DPY19L4: variants seen among roughly 807,000 people sequenced by gnomAD.
The protein encoded by DPY19L4 is probable C-mannosyltransferase DPY19L4.
DPY19L4 carries 97 observed loss-of-function variants against 102.8 expected under a neutral mutation model. The observed-to-expected ratio is 0.94, with a 90% CI of 0.80 to 1.12. The LOEUF (loss-of-function observed/expected upper bound fraction) is 1.12, where lower values mean the gene tolerates loss of function less well. Among genes scored for constraint, DPY19L4 ranks in the 50% most tolerant of loss-of-function variants. DPY19L4 has a pLI of 0.00. For missense variants in DPY19L4, 815 were observed against 850.4 expected (o/e 0.96, Z 0.52); for synonymous variants, 252 against 283.1 (o/e 0.89, Z 1.10).
intron 7 of DPY19L4, among the ~76,000 whole-genome samples, chr8:94,759,127 A>C (rs1812290411): frequency 6.6e-6 from 1 of 152,148 alleles, no homozygotes; most frequent in Non-Finnish European, 1.5e-5. Context: ...AGCGGTAGCA[A>C]GGTTTATTGT....
chr8:94,754,263 T>C (rs190989053), intron 6 of DPY19L4, among the ~76,000 whole-genome samples: 2 of 152,332 alleles, frequency 1.3e-5, no homozygotes, highest in African/African-American at 2.4e-5. Context: ...GCTGCTGTTA[T>C]ATAAGGAGAA....
intron 1 of DPY19L4, among the ~76,000 whole-genome samples, chr8:94,725,862 C>A (rs886437856): frequency 6.6e-6 from 1 of 152,088 alleles, no homozygotes; most frequent in African/African-American, 2.4e-5. Flanking sequence ...TGGTCTCGAT[C>A]TCCTGACCTC....
chr8:94,751,105 C>T (rs1243477106), intron 6 of DPY19L4, among the ~76,000 whole-genome samples: 1 of 149,544 alleles, frequency 6.7e-6, no homozygotes, highest in Non-Finnish European at 1.5e-5. Context: ...TCTAATACCT[C>T]CCTCTTTTCT....
chr8:94,776,360 G>A (rs541961334), intron 13 of DPY19L4, among the ~76,000 whole-genome samples: 29 of 151,754 alleles, frequency 1.9e-4, no homozygotes, highest in African/African-American at 6.8e-4. Flanking sequence ...GTAGAGACGA[G>A]GTTTCACCAT....
rs796545479 is a variant in DPY19L4 at position 94,764,562 on chromosome 8, C to T, written c.871-621C>T. Reference sequence around the variant, plus strand: ...CTGCACTCTAGCCTGGGCGACAGAGCGAGACTCCGTCTCAAAAAAAAAAAA... The same window carrying T: ...CTGCACTCTAGCCTGGGCGACAGAGTGAGACTCCGTCTCAAAAAAAAAAAA... On this transcript the variant is annotated intron_variant, in intron 8 of 18. Transcript: ENST00000414645. Among the ~76,000 whole-genome samples, 471 of 125,032 alleles carry T rather than the reference C, an allele frequency of 3.8e-3. 2 individuals carry two copies. The highest frequency in any genetic ancestry group is 0.014 in the African/African-American group (441 of 31,178). The allele number at this position is 125,032 out of a possible 152,430, so 82.0% of individuals were successfully genotyped here. A position where few individuals can be genotyped will look rare whatever the true frequency, so the allele number is the denominator to read the frequency against.
intron 15 of DPY19L4, 55 bp downstream of exon 15, chr8:94,780,470 G>T: frequency 8.6e-7 from 1 of 1,168,326 alleles, no homozygotes; most frequent in Non-Finnish European, 1.1e-6. Flanking sequence ...CAAAGGTAGT[G>T]ATAAATTTAT....
chr8:94,769,059 T>G (rs1299006468), intron 12 of DPY19L4, among the ~76,000 whole-genome samples: 1 of 150,146 alleles, frequency 6.7e-6, no homozygotes, highest in Non-Finnish European at 1.5e-5. Context: ...ACTTAGTTTT[T>G]TTGTTTTTTT....
chr8:94,746,718 T>C (rs1279467830), intron 6 of DPY19L4, among the ~76,000 whole-genome samples: 1 of 152,244 alleles, frequency 6.6e-6, no homozygotes, highest in Non-Finnish European at 1.5e-5. Flanking sequence ...TTAAATGTGC[T>C]ATAAAATTGA....
intron 2 of DPY19L4, among the ~76,000 whole-genome samples, chr8:94,732,811 C>CTTTT (rs10624368): frequency 7.8e-5 from 10 of 128,092 alleles, no homozygotes; most frequent in East Asian, 2.3e-4. Flanking sequence ...CTTTTTCTTT[C>CTTTT]TTTTTTTTTT....
chr8:94,758,443 A>G (rs959344393), intron 7 of DPY19L4, among the ~76,000 whole-genome samples: 5 of 152,176 alleles, frequency 3.3e-5, no homozygotes, highest in Non-Finnish European at 7.3e-5. Context: ...TATAAATTTG[A>G]GTAACTGTCA....
At chr8:94,769,272 G>T (rs1812821239) in intron 12 of DPY19L4, among the ~76,000 whole-genome samples, 1 of 151,762 alleles carries the variant, frequency 6.6e-6, no homozygotes, top group African/African-American at 2.4e-5. Context: ...TGTTGGTCAG[G>T]TTGGTCTCAA....
In DPY19L4 at chr8:94,777,734, G is replaced by C. The variant is rs1261952442; in HGVS notation, c.1523G>C (p.Trp508Ser). The C allele has an allele frequency of 9.3e-6, 15 of 1,613,844 alleles. No homozygotes were observed. The highest frequency in any genetic ancestry group is 1.3e-5 in the African/African-American group (1 of 74,886). Residue 508 changes from tryptophan to serine, a missense_variant, in exon 14 of 19, where the codon TGG becomes TCG. Transcript: ENST00000414645. ...TTTGGTGTATGTTCTCCCGAACTTT[G>C]GATGACACTTTTCAAGTGGCTTCGA... ...AAFGVCSPEL[W>S]MTLFKWLRLR...
At chr8:94,755,899 C>A in intron 6 of DPY19L4, 137 bp from the exon 7 acceptor site, 1 of 853,842 alleles carries the variant, frequency 1.2e-6, no homozygotes, top group Non-Finnish European at 1.7e-6. Flanking sequence ...AAAAAAAGGA[C>A]AATGGTGGAT....
At chr8:94,789,632 C>T in intron 18 of DPY19L4, 114 bp from the exon 19 acceptor site, 2 of 938,912 alleles carry the variant, frequency 2.1e-6, no homozygotes, top group Non-Finnish European at 3.0e-6. Context: ...GTTTTATAGA[C>T]AATGTTTAGC....
intron 17 of DPY19L4, among the ~76,000 whole-genome samples, chr8:94,786,153 G>T (rs1237357728): frequency 1.3e-5 from 2 of 152,030 alleles, no homozygotes; most frequent in African/African-American, 4.8e-5. Context: ...TGTTGTTGTT[G>T]TTGACGAGTC....
At chr8:94,778,335 T>C (rs1226964827) in intron 14 of DPY19L4, among the ~76,000 whole-genome samples, 1 of 152,188 alleles carries the variant, frequency 6.6e-6, no homozygotes, top group East Asian at 1.9e-4. Flanking sequence ...TGAGAGGTCA[T>C]CAAGAATCAA....
Position 94,777,679 on chromosome 8 carries a change from T to C in DPY19L4, c.1468T>C (p.Trp490Arg), listed in dbSNP as rs781664118. 2 of 1,613,260 alleles carry C rather than the reference T, an allele frequency of 1.2e-6. No homozygotes were observed. Among genetic ancestry groups the C allele is most frequent in the Non-Finnish European group, 1.7e-6 (2 of 1,179,738 alleles). The part of the protein sequence containing the change: ...AMVIEGLKYI[W>R]IPYVCMLAAF... ...TGTGTTTTCTAGCTTGAAGTACATC[T>C]GGATTCCTTATGTGTGCATGTTAGC... The change falls in exon 14 of 19, where the codon TGG (tryptophan) becomes CGG (arginine). Residue 490 changes from tryptophan (W) to arginine (R), a missense_variant. Transcript: ENST00000414645.
At position 94,750,433 on chromosome 8, in the gene DPY19L4, A is replaced by C. The variant is rs184969233; in HGVS notation, c.612-5603A>C. Among the ~76,000 whole-genome samples, 356 of 152,308 alleles carry C rather than the reference A, an allele frequency of 2.3e-3. 1 individual carries two copies. Among genetic ancestry groups the C allele is most frequent in the African/African-American group, 8.2e-3 (339 of 41,572 alleles). Reference sequence around the variant, plus strand: ...TAAGTAAAAAATAGTTTGTTAGAGAATTAGAAAAGAGCTAAGATTTGCTAT... The same window carrying C: ...TAAGTAAAAAATAGTTTGTTAGAGACTTAGAAAAGAGCTAAGATTTGCTAT... On this transcript the variant is annotated intron_variant, in intron 6 of 18. Coordinates refer to ENST00000414645, the MANE Select transcript of DPY19L4 (RefSeq NM_181787.3).
At position 94,719,938 on chromosome 8, in the gene DPY19L4, G is replaced by C. The variant is rs929591315; in HGVS notation, c.-61G>C. The C allele has an allele frequency of 5.5e-6, 8 of 1,457,620 alleles. No individual in the cohort carries two copies. In the East Asian group the frequency reaches 2.4e-4, roughly 44 times the overall value. The allele number at this position is 1,457,620 out of a possible 1,614,324, so 90.3% of individuals were successfully genotyped here. ...CGGAGGCCGAGGGGTTCGGCGACGCGGAGGGAGGGAGAGTCTGGGCCGCGC... is the reference window on the plus strand; with the variant it reads ...CGGAGGCCGAGGGGTTCGGCGACGCCGAGGGAGGGAGAGTCTGGGCCGCGC... On this transcript the variant is annotated 5_prime_UTR_variant, in exon 1 of 19. Coordinates refer to ENST00000414645, the MANE Select transcript of DPY19L4 (RefSeq NM_181787.3).
Sources: allele counts gnomAD v4.1 joint callset (sites outside exome capture counted in the v4.1 genomes callset), GRCh38; gene constraint gnomAD v4.1.1; transcripts MANE v1.5; gene names NCBI Gene and HGNC (gene_info 2026-07-23, HGNC 2026-07-21).